Variants in STAG2 observed in about 807,000 individuals in gnomAD.
The protein encoded by STAG2 is STAG2 cohesin complex component, also known as cohesin subunit SA-2.
STAG2 carries 14 observed loss-of-function variants against 108.1 expected under a neutral mutation model. The ratio of observed to expected loss-of-function variants is 0.13; its 90% confidence interval spans 0.09 to 0.20. The LOEUF is 0.20. Ranked by LOEUF, STAG2 falls within the 10% of genes least tolerant of loss-of-function variation. The pLI is 1.00. For synonymous variants in STAG2, 307 were observed against 302.7 expected, an observed-to-expected ratio of 1.01 and a Z score of -0.15; for missense variants, 440 against 940.9, an observed-to-expected ratio of 0.47 and a Z score of 6.96.
At chrX:124,050,331 GCTT>G in intron 11 of STAG2, 22 bp downstream of exon 11, 1 of 1,187,114 alleles carries the variant, frequency 8.4e-7, no homozygotes, top group Non-Finnish European at 1.1e-6. Context: ...CCTTCAGACT[GCTT>G]CTTTCTACAC....
At chrX:124,033,344 C>CT (rs1459993159) in intron 5 of STAG2, among the ~76,000 whole-genome samples, 2 of 111,975 alleles carry the variant, frequency 1.8e-5, no homozygotes, top group Non-Finnish European at 3.8e-5. Context: ...CATTTCATTA[C>CT]TTTCCTTCTT....
chrX:124,094,099 G>A lies in STAG2; in HGVS notation c.3660G>A (p.Glu1220=), dbSNP rs1166585567. 4 of 1,205,853 alleles carry A rather than the reference G, an allele frequency of 3.3e-6. No individual in the cohort carries two copies. The highest frequency in any genetic ancestry group is 3.4e-6 in the Non-Finnish European group (3 of 890,484). The change falls in exon 33 of 35, where the codon GAG becomes GAA. Residue 1220 remains glutamate, a synonymous_variant. Transcript: ENST00000371145. ...DVMMSSEGRI[E]DLNEGMDFDT... is the part of the protein sequence containing the mutation. ...TGATGTCCTCAGAAGGGAGGATTGA[G>A]GATCTTAATGAGGGAATGGATTTTG...
At chrX:124,039,924 A>T (rs2057654359) in intron 6 of STAG2, among the ~76,000 whole-genome samples, 1 of 110,506 alleles carries the variant, frequency 9.0e-6, no homozygotes, top group East Asian at 2.8e-4. Context: ...CAACATTTGG[A>T]CCTTGTCACA....
rs1464374960 is a variant in STAG2, at chrX:124,101,769, C to T, written c.*1172C>T. ...GTAAATTAGATGGGATAATAGAATT[C>T]ATAACCCATAATATTCTTTGAAAGC... On this transcript the variant is annotated 3_prime_UTR_variant, in exon 35 of 35. Transcript: ENST00000371145. The T allele has an allele frequency of 6.2e-6, 1 of 160,722 alleles. No individual in the cohort carries two copies. Among genetic ancestry groups the T allele is most frequent in the Non-Finnish European group, 1.2e-5 (1 of 82,986 alleles). The allele number at this position is 160,722 out of a possible 1,213,427, so 13.2% of individuals were successfully genotyped here.
In STAG2 at chrX:124,076,612, C is replaced by A. The variant is rs759668986; in HGVS notation, c.2673+141C>A. 6.8e-5 allele frequency: 39 copies of A among 576,770 alleles called. No homozygotes were observed. The African/African-American group carries it at 7.7e-4, about 11-fold the overall frequency. 47.5% of individuals were successfully genotyped at this position (576,770 alleles called of 1,213,427 possible). A position where few individuals can be genotyped will look rare whatever the true frequency, so the allele number is the denominator to read the frequency against. The stretch of plus-strand genomic sequence containing the variant: ...TTTAAAATATTTAGTGTTTTCAATA[C>A]ATTTCCTTATACCTCTACTCCAGTT... On this transcript the variant is annotated intron_variant, in intron 26 of 34. Transcript: ENST00000371145.
At chrX:124,046,453 G>T (rs1397689437) in intron 8 of STAG2, among the ~76,000 whole-genome samples, 1 of 111,990 alleles carries the variant, frequency 8.9e-6, no homozygotes, top group Non-Finnish European at 1.9e-5. Context: ...TTTTAGATCA[G>T]AGTGACAGAC....
chrX:124,039,640 CTTT>C (rs11352016), intron 6 of STAG2, among the ~76,000 whole-genome samples: 2 of 90,608 alleles, frequency 2.2e-5, no homozygotes, highest in African/African-American at 4.0e-5. Context: ...TTCTTTCTTT[CTTT>C]TTTTTTTTTT....
At chrX:123,984,272 C>T (rs998986025) in intron 1 of STAG2, among the ~76,000 whole-genome samples, 1 of 110,371 alleles carries the variant, frequency 9.1e-6, no homozygotes, top group Non-Finnish European at 1.9e-5. Flanking sequence ...AGCATCATGC[C>T]CGGCCAAAAG....
intron 1 of STAG2, among the ~76,000 whole-genome samples, chrX:123,966,062 T>C (rs2054081617): frequency 1.8e-5 from 2 of 109,705 alleles, no homozygotes; most frequent in African/African-American, 3.3e-5. Context: ...GTTTTGGGAG[T>C]TGGGGAGAAT....
At position 124,050,232 on chromosome X, in the gene STAG2, A is replaced by G. The variant is rs750012413; in HGVS notation, c.940A>G (p.Ile314Val). 53 of 1,208,563 alleles carry G rather than the reference A, an allele frequency of 4.4e-5. No individual in the cohort carries two copies. The South Asian group carries it at 8.7e-4, about 20-fold the overall frequency. ...AGCTATTTGCATTGAAGAGATTGGC[A>G]TTTGGATGAAGATGTATAGTGATGC... ...IRAICIEEIG[I>V]WMKMYSDAFL... is the part of the protein sequence containing the mutation. Residue 314 changes from isoleucine (I) to valine (V), a missense_variant, in exon 11 of 35, where the codon ATT becomes GTT. By Grantham distance (29) the Ile-to-Val change is conservative. This residue lies in a region of STAG2 where 69 missense variants were observed against 254.9 expected (regional missense o/e 0.27). Transcript: ENST00000371145.
At chrX:124,077,614 A>G (rs1193005994) in intron 26 of STAG2, among the ~76,000 whole-genome samples, 2 of 111,984 alleles carry the variant, frequency 1.8e-5, no homozygotes, top group African/African-American at 3.2e-5. Context: ...TTATTGTTTT[A>G]CAAAGAGAAT....
intron 27 of STAG2, 147 bp from the exon 28 acceptor site, chrX:124,081,233 T>G: frequency 2.7e-6 from 1 of 374,758 alleles, no homozygotes; most frequent in Non-Finnish European, 4.5e-6. Flanking sequence ...GCACTTTTGG[T>G]CATTTGCATC....
intron 29 of STAG2, among the ~76,000 whole-genome samples, chrX:124,085,254 T>C (rs1425155698): frequency 1.8e-5 from 2 of 111,755 alleles, no homozygotes; most frequent in Non-Finnish European, 3.8e-5. Flanking sequence ...AGTGGTAACC[T>C]CTGGGCACGA....
intron 7 of STAG2, among the ~76,000 whole-genome samples, chrX:124,044,600 A>G (rs978159137): frequency 9.0e-6 from 1 of 111,378 alleles, no homozygotes; most frequent in African/African-American, 3.3e-5. Context: ...AGACTAGAGA[A>G]TGCCCTCTTG....
chrX:124,023,618 G>C (rs2057000449), intron 3 of STAG2, among the ~76,000 whole-genome samples: 2 of 111,360 alleles, frequency 1.8e-5, no homozygotes, highest in South Asian at 7.5e-4. Context: ...AGTGTCTGCT[G>C]TATACAGGAT....
chrX:124,005,269 C>G (rs1214060411), intron 1 of STAG2, among the ~76,000 whole-genome samples: 1 of 111,613 alleles, frequency 9.0e-6, no homozygotes, highest in Non-Finnish European at 1.9e-5. Context: ...TTATTCAGAT[C>G]TTGCTAGTTA....
At chrX:124,017,297 C>T (rs1305646700) in intron 1 of STAG2, among the ~76,000 whole-genome samples, 1 of 109,904 alleles carries the variant, frequency 9.1e-6, no homozygotes, top group African/African-American at 3.3e-5. Flanking sequence ...GCAACCTCCG[C>T]TTCCCGGGTT....
chrX:124,015,571 A>G lies in STAG2; in HGVS notation c.-162-5796A>G, dbSNP rs182442485. Among the ~76,000 whole-genome samples, 268 of 107,838 alleles carry G rather than the reference A, an allele frequency of 2.5e-3. 1 individual carries two copies. The highest frequency in any genetic ancestry group is 8.4e-3 in the African/African-American group (248 of 29,575). 93.6% of individuals were successfully genotyped at this position (107,838 alleles called of 115,157 possible). On this transcript the variant is annotated intron_variant, in intron 1 of 34. Transcript: ENST00000371145. ...AACTGATTTTTCTATTTTAGTAGAGATGGGGTTTCACCATGTTGGTCTTGA... is the reference window on the plus strand; with the variant it reads ...AACTGATTTTTCTATTTTAGTAGAGGTGGGGTTTCACCATGTTGGTCTTGA...
chrX:124,081,291 C>T, intron 27 of STAG2, 89 bp from the exon 28 acceptor site: 1 of 625,297 alleles, frequency 1.6e-6, no homozygotes, highest in South Asian at 4.3e-5. Flanking sequence ...TTATTGAACA[C>T]CTGTATTTTA....
Sources: allele counts gnomAD v4.1 joint callset (sites outside exome capture counted in the v4.1 genomes callset), GRCh38; gene constraint gnomAD v4.1.1; regional missense constraint gnomAD v4.1.1; transcripts MANE v1.5; gene names NCBI Gene and HGNC (gene_info 2026-07-23, HGNC 2026-07-21).